Variants in ADARB2 observed in about 807,000 individuals in gnomAD.
ADARB2 encodes inactive double-stranded RNA-specific editase B2.
ADARB2 carries 25 observed loss-of-function variants against 62.2 expected under a neutral mutation model. That is an observed-to-expected ratio of 0.40 (90% CI 0.29 to 0.56). ADARB2 has a LOEUF of 0.56. ADARB2 is among the 20% of genes least tolerant of loss of function. ADARB2 has a pLI of 0.43. For synonymous variants in ADARB2, 572 were observed against 500.8 expected, an observed-to-expected ratio of 1.14 and a Z score of -1.90; for missense variants, 1,071 against 1,077.4, an observed-to-expected ratio of 0.99 and a Z score of 0.08.
At chr10:1,390,152 A>G (rs1482701536) in intron 1 of ADARB2, among the ~76,000 whole-genome samples, 1 of 152,248 alleles carries the variant, frequency 6.6e-6, no homozygotes, top group Non-Finnish European at 1.5e-5. Flanking sequence ...AAAATTTTAC[A>G]TTATGATATA....
intron 2 of ADARB2, among the ~76,000 whole-genome samples, chr10:1,365,654 A>G (rs1254928576): frequency 6.6e-6 from 1 of 152,154 alleles, no homozygotes; most frequent in Non-Finnish European, 1.5e-5. Context: ...GGTAGGTACC[A>G]TAGGTCGGTG....
intron 1 of ADARB2, among the ~76,000 whole-genome samples, chr10:1,434,172 G>A (rs1290183630): frequency 6.6e-6 from 1 of 152,100 alleles, no homozygotes; most frequent in Non-Finnish European, 1.5e-5. Context: ...GAAGATTCAG[G>A]TGAAGCTATT....
At position 1,209,419 on chromosome 10, in the gene ADARB2, C is replaced by T. The variant is rs112125903; in HGVS notation, c.1682+7532G>A. Among the ~76,000 whole-genome samples, 455 of 103,170 alleles carry T rather than the reference C, an allele frequency of 4.4e-3. 57 individuals are homozygous for T. The highest frequency in any genetic ancestry group is 0.017 in the African/African-American group (420 of 25,124). 67.7% of individuals were successfully genotyped at this position (103,170 alleles called of 152,430 possible). A position where few individuals can be genotyped will look rare whatever the true frequency, so the allele number is the denominator to read the frequency against. On this transcript the variant is annotated intron_variant, in intron 7 of 9. Coordinates refer to ENST00000381312, the MANE Select transcript of ADARB2 (RefSeq NM_018702.4). The stretch of plus-strand genomic sequence containing the variant: ...CCCACACTATCACCTACAGCAACAC[C>T]GTCACCCATGCCCACACCTACAGCC...
intron 1 of ADARB2, among the ~76,000 whole-genome samples, chr10:1,473,212 A>C (rs1831349593): frequency 6.6e-6 from 1 of 152,054 alleles, no homozygotes. Flanking sequence ...ATTTTAAATA[A>C]ACTCTCACTC....
At chr10:1,262,250 A>G (rs1362702326) in intron 4 of ADARB2, among the ~76,000 whole-genome samples, 1 of 146,560 alleles carries the variant, frequency 6.8e-6, no homozygotes. Context: ...TATGTAACTA[A>G]CCTGCACAAT....
At chr10:1,528,184 C>G (rs1832173523) in intron 1 of ADARB2, among the ~76,000 whole-genome samples, 2 of 152,222 alleles carry the variant, frequency 1.3e-5, no homozygotes, top group African/African-American at 4.8e-5. Flanking sequence ...CACACCTGAG[C>G]TTACTGCATT....
At chr10:1,361,853 G>A (rs186375998) in intron 3 of ADARB2, among the ~76,000 whole-genome samples, 113 of 152,298 alleles carry the variant, frequency 7.4e-4, no homozygotes, top group African/African-American at 2.7e-3. Context: ...GCATACTTAC[G>A]ACGAGTCCCG....
intron 1 of ADARB2, among the ~76,000 whole-genome samples, chr10:1,547,054 G>A (rs1445754172): frequency 2.6e-5 from 4 of 152,230 alleles, no homozygotes; most frequent in Admixed American, 1.3e-4. Context: ...AGCGGGACGC[G>A]GGTGGGAGGC....
intron 1 of ADARB2, among the ~76,000 whole-genome samples, chr10:1,567,218 G>A (rs1470798307): frequency 1.3e-5 from 2 of 151,962 alleles, no homozygotes; most frequent in Non-Finnish European, 1.5e-5. Context: ...ACTGATGCCT[G>A]TGCATTTGGA....
chr10:1,427,260 T>G (rs1473629753), intron 1 of ADARB2, among the ~76,000 whole-genome samples: 1 of 152,220 alleles, frequency 6.6e-6, no homozygotes, highest in African/African-American at 2.4e-5. Context: ...TGTTCTGTTC[T>G]GCAGAAGACT....
intron 1 of ADARB2, among the ~76,000 whole-genome samples, chr10:1,706,307 C>A (rs1834889621): frequency 6.6e-6 from 1 of 152,168 alleles, no homozygotes; most frequent in Non-Finnish European, 1.5e-5. Flanking sequence ...CAGAACATTC[C>A]ATGCATGAAA....
At chr10:1,612,594 A>G (rs1298404617) in intron 1 of ADARB2, among the ~76,000 whole-genome samples, 6 of 152,244 alleles carry the variant, frequency 3.9e-5, no homozygotes, top group African/African-American at 1.4e-4. Context: ...AAAGTCATTA[A>G]ATAACGTGTC....
chr10:1,714,942 G>T (rs12779418), intron 1 of ADARB2, among the ~76,000 whole-genome samples: 14,440 of 151,844 alleles, frequency 0.095, 1,124 homozygotes, highest in African/African-American at 0.21. Flanking sequence ...ATGTTGGTGT[G>T]CTGCACCCAT....
At chr10:1,405,121 G>A (rs750316494) in intron 1 of ADARB2, among the ~76,000 whole-genome samples, 6 of 152,190 alleles carry the variant, frequency 3.9e-5, no homozygotes, top group South Asian at 2.1e-4. Flanking sequence ...CAGAGGTAAC[G>A]GGGCAGAGGT....
At chr10:1,366,048 G>A (rs964775701) in intron 2 of ADARB2, among the ~76,000 whole-genome samples, 2 of 152,128 alleles carry the variant, frequency 1.3e-5, no homozygotes, top group South Asian at 2.1e-4. Context: ...TAAGAACACC[G>A]ACGTTCTATA....
At chr10:1,583,917 A>G (rs1833139667) in intron 1 of ADARB2, among the ~76,000 whole-genome samples, 2 of 152,234 alleles carry the variant, frequency 1.3e-5, no homozygotes, top group African/African-American at 4.8e-5. Flanking sequence ...CAAAGGTGCT[A>G]TAATAATTAG....
At chr10:1,562,548 C>T (rs571740764) in intron 1 of ADARB2, among the ~76,000 whole-genome samples, 4 of 152,326 alleles carry the variant, frequency 2.6e-5, no homozygotes, top group South Asian at 2.1e-4. Flanking sequence ...ATGCCAGTTA[C>T]GATCTGTAAT....
chr10:1,226,672 C>T (rs1830749485), intron 6 of ADARB2, among the ~76,000 whole-genome samples: 1 of 152,208 alleles, frequency 6.6e-6, no homozygotes, highest in Admixed American at 6.5e-5. Context: ...TGTTAGAGGT[C>T]CACTCCAGAC....
At chr10:1,332,640 T>A (rs1831940549) in intron 3 of ADARB2, among the ~76,000 whole-genome samples, 2 of 152,084 alleles carry the variant, frequency 1.3e-5, no homozygotes, top group Non-Finnish European at 2.9e-5. Flanking sequence ...GAGAGACACA[T>A]CAAAGAGAAT....
Sources: gnomAD v4.1 joint callset for allele counts (sites outside exome capture counted in the v4.1 genomes callset) on GRCh38, gnomAD v4.1.1 for gene constraint, MANE v1.5 for transcripts, NCBI Gene and HGNC (gene_info 2026-07-23, HGNC 2026-07-21) for gene names.